Variants in NLRP7 observed in about 807,000 individuals in gnomAD.
The protein encoded by NLRP7 is NLR family pyrin domain containing 7, also known as NACHT, LRR and PYD domains-containing protein 7.
In NLRP7, 72 loss-of-function variants were observed where a neutral mutation model predicts 85.5. The observed-to-expected ratio is 0.84, with a 90% CI of 0.70 to 1.02. NLRP7 has a LOEUF of 1.02. Among genes scored for constraint, NLRP7 ranks in the 50% least tolerant of loss-of-function variants. NLRP7 has a pLI of 0.00. For synonymous variants in NLRP7, 550 were observed against 505.2 expected, an observed-to-expected ratio of 1.09 and a Z score of -1.19; for missense variants, 1,243 against 1,219.5, an observed-to-expected ratio of 1.02 and a Z score of -0.29.
exon 4 of NLRP7, chr19:54,939,180 T>C (rs1243238094): frequency 3.1e-6 from 5 of 1,614,138 alleles, no homozygotes; most frequent in African/African-American, 1.3e-5. Flanking sequence ...AATTCCTGTT[T>C]GATGTCCGGT....
At chr19:54,941,681 G>C in exon 2 of NLRP7, 1 of 1,613,418 alleles carries the variant, frequency 6.2e-7, no homozygotes, top group Non-Finnish European at 8.5e-7. Context: ...AGAAGGGTCT[G>C]CAGAGTCCAC....
At chr19:54,945,433 AT>A (rs1055233072) in intron 1 of NLRP7, among the ~76,000 whole-genome samples, 2 of 148,248 alleles carry the variant, frequency 1.3e-5, no homozygotes, top group African/African-American at 5.0e-5. Flanking sequence ...ACCACACCTA[AT>A]TTTTTTTGTA....
At chr19:54,944,846 A>G (rs1033938642) in intron 1 of NLRP7, among the ~76,000 whole-genome samples, 4 of 152,284 alleles carry the variant, frequency 2.6e-5, no homozygotes, top group African/African-American at 7.2e-5. Context: ...TTATATATAC[A>G]GTGAAATGAT....
exon 9 of NLRP7, chr19:54,930,630 T>C (rs368560112): frequency 2.5e-6 from 4 of 1,613,282 alleles, no homozygotes; most frequent in Non-Finnish European, 3.4e-6. Context: ...CTGAGAGATA[T>C]CTACAGCCAA....
intron 8 of NLRP7, among the ~76,000 whole-genome samples, chr19:54,932,382 T>G (rs1354899739): frequency 6.7e-6 from 1 of 149,634 alleles, no homozygotes; most frequent in African/African-American, 2.5e-5. Context: ...CAGCCAAGAT[T>G]ACACCACTGC....
chr19:54,938,045 C>T (rs2069015405), exon 5 of NLRP7: 2 of 1,612,198 alleles, frequency 1.2e-6, no homozygotes, highest in East Asian at 2.2e-5. Context: ...TCTACTTACT[C>T]CACTTTCTGC....
chr19:54,964,387 T>C (rs942477127), intron 1 of NLRP7, among the ~76,000 whole-genome samples: 14 of 150,462 alleles, frequency 9.3e-5, no homozygotes, highest in African/African-American at 2.9e-4. Flanking sequence ...CGGCTAATTT[T>C]TTGTATTTTT....
At chr19:54,925,595 C>A (rs12976840) in intron 9 of NLRP7, among the ~76,000 whole-genome samples, 14,563 of 152,112 alleles carry the variant, frequency 0.096, 1,022 homozygotes, top group East Asian at 0.35. Flanking sequence ...CGTTTGAAGC[C>A]AGGAGTTTGA....
At chr19:54,964,545 A>T (rs1262639192) in intron 1 of NLRP7, among the ~76,000 whole-genome samples, 4 of 150,324 alleles carry the variant, frequency 2.7e-5, no homozygotes, top group African/African-American at 4.9e-5. Flanking sequence ...ACTGCCAGCC[A>T]GGCACGGTGG....
intron 3 of NLRP7, 56 bp from the exon 4 acceptor site, chr19:54,940,522 T>C (rs775884): frequency 0.35 from 551,931 of 1,594,076 alleles, 98,373 homozygotes; most frequent in African/African-American, 0.51. Context: ...TTCTGAATTA[T>C]TTTGTCAAGT....
chr19:54,947,643 C>G, upstream of NLRP7: 1 of 1,289,362 alleles, frequency 7.8e-7, no homozygotes, highest in Non-Finnish European at 1.0e-6. Flanking sequence ...TCAGGCTCAC[C>G]TTGACATCAC....
chr19:54,939,154 T>C, exon 4 of NLRP7: 1 of 1,614,258 alleles, frequency 6.2e-7, no homozygotes, highest in Non-Finnish European at 8.5e-7. Flanking sequence ...CATGAAGATG[T>C]GCTTTGCATT....
chr19:54,926,872 C>T (rs35222786), intron 9 of NLRP7, among the ~76,000 whole-genome samples: 4,457 of 146,762 alleles, frequency 0.03, 92 homozygotes, highest in Non-Finnish European at 0.046. Flanking sequence ...GCCGAGATAG[C>T]GCCACTGCAC....
chr19:54,941,831 C>CT, intron 1 of NLRP7, 81 bp from the exon 2 acceptor site: 1 of 1,012,978 alleles, frequency 9.9e-7, no homozygotes, highest in Non-Finnish European at 1.4e-6. Context: ...AAGAACAAGA[C>CT]TGTTCCTGCT....
upstream of NLRP7, among the ~76,000 whole-genome samples, chr19:54,949,226 C>T (rs539676121): frequency 2.7e-4 from 41 of 151,234 alleles, no homozygotes; most frequent in African/African-American, 9.2e-4. Context: ...TGCCGTGAGC[C>T]GAGATTGCAC....
intron 1 of NLRP7, among the ~76,000 whole-genome samples, chr19:54,941,973 G>C (rs931466740): frequency 6.6e-6 from 1 of 152,090 alleles, no homozygotes; most frequent in African/African-American, 2.4e-5. Context: ...CGAACAAAAG[G>C]CTGGGCACGG....
At chr19:54,953,937 A>C (rs369958506) in intron 1 of NLRP7, among the ~76,000 whole-genome samples, 1 of 151,506 alleles carries the variant, frequency 6.6e-6, no homozygotes, top group Admixed American at 6.6e-5. Flanking sequence ...AACCCGGGTG[A>C]TGGAGCTTGC....
exon 6 of NLRP7, chr19:54,936,348 A>G (rs1203097553): frequency 5.0e-6 from 8 of 1,613,958 alleles, no homozygotes; most frequent in Non-Finnish European, 5.9e-6. Context: ...GTGCCCTGCC[A>G]GGGTCAGGTG....
upstream of NLRP7, among the ~76,000 whole-genome samples, chr19:54,951,579 AAAC>A (rs1202562016): frequency 6.6e-6 from 1 of 151,978 alleles, no homozygotes; most frequent in Non-Finnish European, 1.5e-5. Context: ...AACAAAAACA[AAAC>A]AAAAAATGAA....
Sources: gnomAD v4.1 joint callset for allele counts (sites outside exome capture counted in the v4.1 genomes callset) on GRCh38, gnomAD v4.1.1 for gene constraint, MANE v1.5 for transcripts, NCBI Gene and HGNC (gene_info 2026-07-23, HGNC 2026-07-21) for gene names.